SNX29: variants seen among roughly 807,000 people sequenced by gnomAD.
The protein encoded by SNX29 is sorting nexin-29.
Under a neutral mutation model 102.1 loss-of-function variants are expected in SNX29, and 78 were observed. The ratio of observed to expected loss-of-function variants is 0.76; its 90% CI spans 0.64 to 0.92. The LOEUF (loss-of-function observed/expected upper bound fraction) is 0.92, where lower values mean the gene tolerates loss of function less well. Among genes scored for constraint, SNX29 ranks in the 40% least tolerant of loss-of-function variants. The pLI is 0.00. For synonymous variants in SNX29, 580 were observed against 414.5 expected (o/e 1.40, Z -4.85); for missense variants, 1,280 against 1,061.7 (o/e 1.21, Z -2.86).
chr16:12,328,066 C>A (rs1007770022), intron 15 of SNX29, among the ~76,000 whole-genome samples: 3 of 152,176 alleles, frequency 2.0e-5, no homozygotes, highest in Non-Finnish European at 4.4e-5. Context: ...ACACCACTTT[C>A]CAGAGCCTCG....
At chr16:12,511,795 A>G (rs890418398) in intron 19 of SNX29, among the ~76,000 whole-genome samples, 4 of 151,950 alleles carry the variant, frequency 2.6e-5, no homozygotes, top group African/African-American at 9.7e-5. Context: ...CTTTAGAGTA[A>G]GATCTCGAAA....
chr16:12,364,152 C>T (rs1314446290), intron 16 of SNX29, among the ~76,000 whole-genome samples: 2 of 113,604 alleles, frequency 1.8e-5, no homozygotes, highest in Non-Finnish European at 3.6e-5. Flanking sequence ...GCCACCAAGC[C>T]TGGCTTGTTT....
intron 1 of SNX29, among the ~76,000 whole-genome samples, chr16:11,999,021 C>T (rs2056190607): frequency 6.6e-6 from 1 of 152,260 alleles, no homozygotes; most frequent in East Asian, 1.9e-4. Flanking sequence ...GTGTAGAGGC[C>T]ATGGATGCAG....
Position 12,381,892 on chromosome 16 carries a change from C to T in SNX29, c.1900-16554C>T, listed in dbSNP as rs1471889391. 2.7e-5 allele frequency among the ~76,000 whole-genome samples: 4 copies of T among 150,040 alleles called. No homozygotes were observed. In the Admixed American group the frequency reaches 2.7e-4, roughly 10 times the overall value. On this transcript the variant is annotated intron_variant, in intron 16 of 20. Transcript: ENST00000566228. ...CCCATCATGCATCCTCCCATTCACC[C>T]CCACTCCCGTCATCCATCTACCCAC...
Position 12,497,719 on chromosome 16 carries a change from C to T in SNX29, c.2178+19860C>T, listed in dbSNP as rs116387933. The stretch of plus-strand genomic sequence containing the variant: ...AATTGGCTTCCTTCTTAGGCAGCCA[C>T]CTCTCTCAAGGCAAAGATGATCAGC... On this transcript the variant is annotated intron_variant, in intron 19 of 20. Coordinates refer to ENST00000566228, the MANE Select transcript of SNX29 (RefSeq NM_032167.5). Among the ~76,000 whole-genome samples the T allele has an allele frequency of 9.6e-3, 1,455 of 152,276 alleles. 27 individuals carry two copies. The highest frequency in any genetic ancestry group is 0.034 in the African/African-American group (1,399 of 41,538).
chr16:12,543,464 G>A (rs2077437371), intron 20 of SNX29, among the ~76,000 whole-genome samples: 1 of 152,210 alleles, frequency 6.6e-6, no homozygotes, highest in African/African-American at 2.4e-5. Flanking sequence ...GGGGTCTGGT[G>A]AACAGCTGTC....
In SNX29 at chr16:12,548,493, G is replaced by T. The variant is rs67635827; in HGVS notation, c.2319-20013G>T. 3.3e-5 allele frequency among the ~76,000 whole-genome samples: 5 copies of T among 152,282 alleles called. No homozygotes were observed. In the East Asian group the frequency reaches 9.7e-4, roughly 29 times the overall value. On this transcript the variant is annotated intron_variant, in intron 20 of 20. Transcript: ENST00000566228. ...ACCGGGCTTTCAGGATGACTAGTCA[G>T]GGTTGTCTTGTCTGGACCAGATGCT...
rs749546058 is a variant in SNX29 at position 12,573,112 on chromosome 16, T to C, written c.*4483T>C. The C allele has an allele frequency of 3.1e-4, 72 of 229,388 alleles. No individual in the cohort carries two copies. Among genetic ancestry groups the C allele is most frequent in the Admixed American group, 7.4e-4 (13 of 17,570 alleles). The allele number at this position is 229,388 out of a possible 1,614,324, so 14.2% of individuals were successfully genotyped here. A position where few individuals can be genotyped will look rare whatever the true frequency, so the allele number is the denominator to read the frequency against. On this transcript the variant is annotated 3_prime_UTR_variant, in exon 21 of 21. Transcript: ENST00000566228. ...AAAGTTCATCTTTATGTTTTTCTAA[T>C]ACACAATCTTGATCTTGTTTCCAAA...
chr16:12,384,344 A>G (rs2083276914), intron 16 of SNX29, among the ~76,000 whole-genome samples: 1 of 152,352 alleles, frequency 6.6e-6, no homozygotes, highest in South Asian at 2.1e-4. Context: ...TCAACAGTGT[A>G]CAAGGCTTCC....
chr16:12,564,931 TGTTA>T (rs2078931247), intron 20 of SNX29, among the ~76,000 whole-genome samples: 1 of 28,832 alleles, frequency 3.5e-5, no homozygotes, highest in South Asian at 1.1e-3. Flanking sequence ...GGAACCTTGG[TGTTA>T]AAAAAAAAAA....
In SNX29 at chr16:11,989,704, G is replaced by C. The variant is rs190530010; in HGVS notation, c.8-9593G>C. ...TTCCTTCTGTGATGGGAGAGAGTTC[G>C]TGAGGCTTCTGTCTATGTCCGAGAG... On this transcript the variant is annotated intron_variant, in intron 1 of 20. Coordinates refer to ENST00000566228, the MANE Select transcript of SNX29 (RefSeq NM_032167.5). Among the ~76,000 whole-genome samples, 22 of 152,132 alleles carry C rather than the reference G, an allele frequency of 1.4e-4. 2 individuals are homozygous for C. The highest frequency in any genetic ancestry group is 1.4e-3 in the Admixed American group (22 of 15,268).
chr16:12,329,251 T>G (rs1181440885), intron 15 of SNX29, among the ~76,000 whole-genome samples: 2 of 115,918 alleles, frequency 1.7e-5, no homozygotes, highest in Non-Finnish European at 3.3e-5. Context: ...CACTCCAGCC[T>G]GAGCAACATG....
chr16:12,437,301 G>C (rs2085580672), intron 18 of SNX29, among the ~76,000 whole-genome samples: 1 of 151,108 alleles, frequency 6.6e-6, no homozygotes, highest in Non-Finnish European at 1.5e-5. Flanking sequence ...CCTGAGTCCT[G>C]GCAAGGTGTC....
Position 12,571,988 on chromosome 16 carries a change from A to C in SNX29, c.*3359A>C. On this transcript the variant is annotated 3_prime_UTR_variant, in exon 21 of 21. Transcript: ENST00000566228. Reference sequence around the variant, plus strand: ...TATGGTGGTAGCCATCTTCACATCCAGTCACCAGTTGCATCTAGGGAGCTG... The same window carrying C: ...TATGGTGGTAGCCATCTTCACATCCCGTCACCAGTTGCATCTAGGGAGCTG... 1 of 1,062,384 alleles carries C rather than the reference A, an allele frequency of 9.4e-7. No homozygotes were observed. The highest frequency in any genetic ancestry group is 1.1e-6 in the Non-Finnish European group (1 of 877,404). 65.8% of individuals were successfully genotyped at this position (1,062,384 alleles called of 1,614,324 possible).
Position 12,564,830 on chromosome 16 carries a change from G to A in SNX29, c.2319-3676G>A, listed in dbSNP as rs142209160. On this transcript the variant is annotated intron_variant, in intron 20 of 20. Coordinates refer to ENST00000566228, the MANE Select transcript of SNX29 (RefSeq NM_032167.5). ...TCCAGAAGTCTCGGTGGTACACAACGCTGAAGTCGGCAGCTAACAAGGGCT... is the reference window on the plus strand; with the variant it reads ...TCCAGAAGTCTCGGTGGTACACAACACTGAAGTCGGCAGCTAACAAGGGCT... 5.6e-3 allele frequency among the ~76,000 whole-genome samples: 822 copies of A among 146,360 alleles called. 5 individuals are homozygous for A. Among genetic ancestry groups the A allele is most frequent in the African/African-American group, 0.019 (757 of 39,724 alleles).
chr16:12,450,707 G>C (rs2086264934), intron 18 of SNX29, among the ~76,000 whole-genome samples: 1 of 152,218 alleles, frequency 6.6e-6, no homozygotes, highest in African/African-American at 2.4e-5. Context: ...TTGTCTGCTT[G>C]CTGAAGAGCT....
chr16:12,023,503 G>C (rs1486383177), intron 3 of SNX29, among the ~76,000 whole-genome samples: 1 of 150,812 alleles, frequency 6.6e-6, no homozygotes, highest in Non-Finnish European at 1.5e-5. Context: ...GTTTGAGCCT[G>C]GGAGATTGAG....
rs557205939 is a variant in SNX29 at position 12,268,727 on chromosome 16, G to A, written c.1679-9206G>A. Among the ~76,000 whole-genome samples the A allele has an allele frequency of 5.9e-5, 9 of 152,150 alleles. No homozygotes were observed. In the South Asian group the frequency reaches 8.3e-4, roughly 14 times the overall value. ...GAATTTAAAATGATTCTTTATTTTC[G>A]TCATCAGCATCTCACACTGTTTGCA... is the stretch of plus-strand genomic sequence containing the variant. On this transcript the variant is annotated intron_variant, in intron 14 of 20. Coordinates refer to ENST00000566228, the MANE Select transcript of SNX29 (RefSeq NM_032167.5).
intron 11 of SNX29, among the ~76,000 whole-genome samples, chr16:12,119,540 T>C (rs1311995779): frequency 6.6e-6 from 1 of 152,226 alleles, no homozygotes; most frequent in Non-Finnish European, 1.5e-5. Context: ...ATTATAATTA[T>C]GTAGAAACCA....
Sources: allele counts gnomAD v4.1 joint callset (sites outside exome capture counted in the v4.1 genomes callset), GRCh38; gene constraint gnomAD v4.1.1; transcripts MANE v1.5; gene names NCBI Gene and HGNC (gene_info 2026-07-23, HGNC 2026-07-21).